The following PPFIA2 variants were observed in gnomAD, a reference collection of about 807,000 sequenced individuals.
PPFIA2 encodes liprin-alpha-2.
PPFIA2 carries 46 observed loss-of-function variants against 175.5 expected under a neutral mutation model. The observed-to-expected ratio is 0.26, with a 90% confidence interval of 0.21 to 0.34. The LOEUF (loss-of-function observed/expected upper bound fraction) is 0.34. Ranked by LOEUF, PPFIA2 falls within the 10% of genes least tolerant of loss-of-function variation. The probability of loss-of-function intolerance (pLI) is 1.00; values close to 1 mark genes in which losing one functional copy is unlikely to be tolerated. For missense variants in PPFIA2, 1,179 were observed against 1,506.1 expected (o/e 0.78, Z 3.60); for synonymous variants, 568 against 511.4 (o/e 1.11, Z -1.49).
intron 5 of PPFIA2, among the ~76,000 whole-genome samples, chr12:81,448,595 T>C (rs2051786450): frequency 6.6e-6 from 1 of 152,214 alleles, no homozygotes; most frequent in South Asian, 2.1e-4. Flanking sequence ...TTATCTCCTA[T>C]TTTTCTTCTT....
At position 81,441,315 on chromosome 12, in the gene PPFIA2, T is replaced by G. The variant is rs570687794; in HGVS notation, c.571-1269A>C. Among the ~76,000 whole-genome samples, 13 of 152,166 alleles carry G rather than the reference T, an allele frequency of 8.5e-5. 2 individuals carry two copies. The South Asian group carries it at 1.9e-3, about 22-fold the overall frequency. On this transcript the variant is annotated intron_variant, in intron 6 of 32. Transcript: ENST00000549396. ...ACAATACCATGTATATTCAGATGAA[T>G]GGATGCATTTAATTCCTGAAATAGA...
chr12:81,452,656 T>C (rs2052812418), intron 5 of PPFIA2, among the ~76,000 whole-genome samples: 1 of 152,214 alleles, frequency 6.6e-6, no homozygotes, highest in South Asian at 2.1e-4. Flanking sequence ...AGGTCTTCCT[T>C]TTCTGAATTG....
intron 4 of PPFIA2, among the ~76,000 whole-genome samples, chr12:81,594,573 T>C (rs2059039594): frequency 6.6e-6 from 1 of 152,090 alleles, no homozygotes; most frequent in Non-Finnish European, 1.5e-5. Flanking sequence ...AGAGAACTCA[T>C]AAATAAAAAA....
intron 4 of PPFIA2, among the ~76,000 whole-genome samples, chr12:81,520,172 G>A (rs1164767612): frequency 6.6e-6 from 1 of 152,176 alleles, no homozygotes; most frequent in Non-Finnish European, 1.5e-5. Context: ...ATCTGCTTTA[G>A]GTGATTCTGG....
intron 7 of PPFIA2, among the ~76,000 whole-genome samples, chr12:81,437,802 C>A (rs2049354888): frequency 6.6e-6 from 1 of 152,020 alleles, no homozygotes; most frequent in Non-Finnish European, 1.5e-5. Flanking sequence ...GTTCCAGGAA[C>A]AAGTACACCC....
chr12:81,512,399 G>A (rs771436314), intron 4 of PPFIA2: 5 of 1,267,960 alleles, frequency 3.9e-6, no homozygotes, highest in South Asian at 2.5e-5. Flanking sequence ...TCTAAACTTT[G>A]TGATGCTGGA....
chr12:81,409,072 G>T (rs1166458590), intron 7 of PPFIA2, among the ~76,000 whole-genome samples: 1 of 152,126 alleles, frequency 6.6e-6, no homozygotes, highest in Non-Finnish European at 1.5e-5. Flanking sequence ...GGAGCCTAAG[G>T]TAGCACAGAC....
At chr12:81,427,887 G>A (rs970980680) in intron 7 of PPFIA2, among the ~76,000 whole-genome samples, 3 of 151,922 alleles carry the variant, frequency 2.0e-5, no homozygotes, top group South Asian at 4.1e-4. Flanking sequence ...AAAGAATGAG[G>A]CACTGAGAAG....
intron 3 of PPFIA2, among the ~76,000 whole-genome samples, chr12:81,709,854 A>T (rs1206776227): frequency 6.6e-6 from 1 of 152,048 alleles, no homozygotes; most frequent in Non-Finnish European, 1.5e-5. Context: ...ATCCCTGTAA[A>T]TTAAATTGCT....
chr12:81,725,507 A>G (rs2153634070), intron 3 of PPFIA2, among the ~76,000 whole-genome samples: 1 of 151,044 alleles, frequency 6.6e-6, no homozygotes. Flanking sequence ...TTAGAAGGAA[A>G]CCAAAGAGTT....
intron 4 of PPFIA2, among the ~76,000 whole-genome samples, chr12:81,670,929 T>G (rs1458988498): frequency 6.6e-6 from 1 of 151,990 alleles, no homozygotes; most frequent in Non-Finnish European, 1.5e-5. Context: ...TGCTTTTCTT[T>G]CTCAGGCTTT....
intron 9 of PPFIA2, 120 bp from the exon 10 acceptor site, chr12:81,376,062 C>G: frequency 1.1e-6 from 1 of 885,250 alleles, no homozygotes; most frequent in Non-Finnish European, 1.7e-6. Flanking sequence ...AATACTCATT[C>G]CTTTCTTTTC....
At chr12:81,295,841 T>C (rs912420140) in intron 23 of PPFIA2, among the ~76,000 whole-genome samples, 1 of 149,180 alleles carries the variant, frequency 6.7e-6, no homozygotes, top group Non-Finnish European at 1.5e-5. Context: ...AATACAAAAA[T>C]TAGCTGAGCA....
Position 81,353,354 on chromosome 12 carries a change from A to G in PPFIA2, c.1774-15T>C. The G allele has an allele frequency of 1.3e-6, 2 of 1,544,350 alleles. No individual in the cohort carries two copies. Among genetic ancestry groups the G allele is most frequent in the Non-Finnish European group, 1.8e-6 (2 of 1,116,830 alleles). On this transcript the variant is annotated splice_polypyrimidine_tract_variant and intron_variant, in intron 16 of 32. Coordinates refer to ENST00000549396, the MANE Select transcript of PPFIA2 (RefSeq NM_003625.5). ...AGAGATTTCACCTGAATGGTGAATGAAAAAATGCAGAATATTTATCATATT... is the reference window on the plus strand; with the variant it reads ...AGAGATTTCACCTGAATGGTGAATGGAAAAATGCAGAATATTTATCATATT...
intron 22 of PPFIA2, among the ~76,000 whole-genome samples, chr12:81,325,548 C>T (rs1369203474): frequency 2.0e-5 from 3 of 152,028 alleles, no homozygotes; most frequent in East Asian, 3.9e-4. Context: ...TGGATGGTTA[C>T]GTTGAAGAAA....
intron 4 of PPFIA2, among the ~76,000 whole-genome samples, chr12:81,556,893 T>C (rs1244307974): frequency 6.6e-6 from 1 of 151,980 alleles, no homozygotes; most frequent in Non-Finnish European, 1.5e-5. Flanking sequence ...TTTGCATTTT[T>C]AATCAGCAAG....
intron 4 of PPFIA2, among the ~76,000 whole-genome samples, chr12:81,673,171 C>A (rs1337160093): frequency 2.6e-5 from 4 of 152,016 alleles, no homozygotes; most frequent in Admixed American, 2.0e-4. Flanking sequence ...CTCCTACTGG[C>A]TCATGGGTTC....
chr12:81,638,939 G>A (rs1441366262), intron 4 of PPFIA2, among the ~76,000 whole-genome samples: 5 of 151,614 alleles, frequency 3.3e-5, no homozygotes, highest in Admixed American at 6.6e-5. Context: ...CGCCCGCCTC[G>A]GCCTCCCAAA....
intron 4 of PPFIA2, among the ~76,000 whole-genome samples, chr12:81,586,804 G>A (rs938006539): frequency 2.0e-4 from 31 of 151,782 alleles, no homozygotes; most frequent in Non-Finnish European, 3.1e-4. Flanking sequence ...TAGTGCCTGT[G>A]CTCACTTAAC....
Sources: gnomAD v4.1 joint callset for allele counts (sites outside exome capture counted in the v4.1 genomes callset) on GRCh38, gnomAD v4.1.1 for gene constraint, MANE v1.5 for transcripts, NCBI Gene and HGNC (gene_info 2026-07-23, HGNC 2026-07-21) for gene names.